The following PDZRN3 variants were observed in gnomAD, a reference collection of about 807,000 sequenced individuals.
PDZRN3 encodes E3 ubiquitin-protein ligase PDZRN3.
PDZRN3 carries 38 observed loss-of-function variants against 85.7 expected under a neutral mutation model. The ratio of observed to expected loss-of-function variants is 0.44; its 90% confidence interval spans 0.34 to 0.58. The LOEUF (loss-of-function observed/expected upper bound fraction) is 0.58. Among genes scored for constraint, PDZRN3 ranks in the 20% least tolerant of loss-of-function variants. The probability of loss-of-function intolerance (pLI) is 0.01; values close to 1 mark genes in which losing one functional copy is unlikely to be tolerated. For synonymous variants in PDZRN3, 759 were observed against 638.0 expected, an observed-to-expected ratio of 1.19 and a Z score of -2.86; for missense variants, 1,629 against 1,506.4, an observed-to-expected ratio of 1.08 and a Z score of -1.35.
chr3:73,394,542 T>A (rs1216962942), intron 5 of PDZRN3, among the ~76,000 whole-genome samples: 5 of 152,072 alleles, frequency 3.3e-5, no homozygotes, highest in Non-Finnish European at 5.9e-5. Context: ...AAAGGATGAG[T>A]GATATTGGAT....
intron 3 of PDZRN3, among the ~76,000 whole-genome samples, chr3:73,416,882 T>G (rs6796989): frequency 6.9e-5 from 9 of 131,306 alleles, no homozygotes; most frequent in East Asian, 4.3e-4. Context: ...TTTGGTTTTT[T>G]TTTTTTTTTT....
intron 4 of PDZRN3, among the ~76,000 whole-genome samples, 173 bp downstream of exon 4, chr3:73,403,975 G>A (rs539125913): frequency 7.9e-5 from 12 of 152,218 alleles, no homozygotes; most frequent in East Asian, 1.9e-4. Context: ...TTAATATGTC[G>A]GAGCGGTTTT....
chr3:73,455,737 A>T (rs902409975), intron 3 of PDZRN3, among the ~76,000 whole-genome samples: 22 of 152,250 alleles, frequency 1.4e-4, no homozygotes, highest in Non-Finnish European at 2.9e-4. Context: ...GCATGGAGCA[A>T]ATAAAAGCAT....
chr3:73,492,839 A>G (rs1015987047), intron 3 of PDZRN3, among the ~76,000 whole-genome samples: 1 of 152,214 alleles, frequency 6.6e-6, no homozygotes, highest in African/African-American at 2.4e-5. Flanking sequence ...CAATTACCTA[A>G]TCTGATCATT....
intron 3 of PDZRN3, among the ~76,000 whole-genome samples, chr3:73,437,499 G>T (rs1001883227): frequency 1.3e-5 from 2 of 152,176 alleles, no homozygotes; most frequent in East Asian, 3.9e-4. Context: ...GGGTGCCCGG[G>T]CCTCACTTTG....
intron 3 of PDZRN3, among the ~76,000 whole-genome samples, chr3:73,429,624 A>G (rs924054039): frequency 6.6e-6 from 1 of 152,204 alleles, no homozygotes; most frequent in Non-Finnish European, 1.5e-5. Flanking sequence ...TTGATGTATA[A>G]AGGGTCACAA....
intron 3 of PDZRN3, among the ~76,000 whole-genome samples, chr3:73,580,679 T>C (rs942745224): frequency 6.6e-6 from 1 of 152,230 alleles, no homozygotes; most frequent in Non-Finnish European, 1.5e-5. Context: ...CTTCTGTGGC[T>C]GGACCTGTTT....
intron 3 of PDZRN3, among the ~76,000 whole-genome samples, chr3:73,428,969 G>T (rs73096409): frequency 0.11 from 16,420 of 151,970 alleles, 1,223 homozygotes; most frequent in African/African-American, 0.22. Context: ...CACCAGCATA[G>T]TTCACTACAG....
chr3:73,398,077 TAA>T (rs1701676113), intron 5 of PDZRN3, among the ~76,000 whole-genome samples: 1 of 152,090 alleles, frequency 6.6e-6, no homozygotes, highest in South Asian at 2.1e-4. Flanking sequence ...AACACGAATA[TAA>T]AGTCTGATGG....
intron 3 of PDZRN3, among the ~76,000 whole-genome samples, chr3:73,411,212 C>T (rs1701960152): frequency 6.6e-6 from 1 of 152,172 alleles, no homozygotes; most frequent in Non-Finnish European, 1.5e-5. Context: ...GGAGTGTTTG[C>T]AAAATAACCA....
intron 3 of PDZRN3, among the ~76,000 whole-genome samples, chr3:73,539,589 G>C (rs1414927679): frequency 1.3e-5 from 2 of 152,058 alleles, no homozygotes; most frequent in African/African-American, 4.8e-5. Context: ...GCCTCCTTGT[G>C]CATGAAAGCC....
At chr3:73,497,637 C>T (rs759219350) in intron 3 of PDZRN3, among the ~76,000 whole-genome samples, 3 of 152,330 alleles carry the variant, frequency 2.0e-5, no homozygotes, top group Middle Eastern at 3.4e-3. Context: ...TGAAACTCTA[C>T]GTACCCATCA....
At chr3:73,451,899 C>G (rs893948623) in intron 3 of PDZRN3, among the ~76,000 whole-genome samples, 3 of 152,034 alleles carry the variant, frequency 2.0e-5, no homozygotes, top group African/African-American at 7.3e-5. Context: ...TTAAAGATGA[C>G]TGTGCTCAGG....
chr3:73,393,284 G>A (rs1431999762), intron 5 of PDZRN3, among the ~76,000 whole-genome samples: 1 of 152,150 alleles, frequency 6.6e-6, no homozygotes, highest in Non-Finnish European at 1.5e-5. Flanking sequence ...ATGGCTGGCC[G>A]CCAAGGTGAC....
chr3:73,535,633 A>T (rs1559726922), intron 3 of PDZRN3, among the ~76,000 whole-genome samples: 1 of 152,254 alleles, frequency 6.6e-6, no homozygotes, highest in Non-Finnish European at 1.5e-5. Flanking sequence ...TTCGCCTGAC[A>T]GTTCACATGG....
At chr3:73,421,395 G>C (rs1487167857) in intron 3 of PDZRN3, among the ~76,000 whole-genome samples, 1 of 152,204 alleles carries the variant, frequency 6.6e-6, no homozygotes, top group Non-Finnish European at 1.5e-5. Context: ...CTGAGGGAGA[G>C]GGAGGTCCTC....
chr3:73,564,733 C>G (rs1309740357), intron 3 of PDZRN3, among the ~76,000 whole-genome samples: 4 of 152,210 alleles, frequency 2.6e-5, no homozygotes, highest in Non-Finnish European at 4.4e-5. Flanking sequence ...AACTCAGGCT[C>G]TGAAATTAGG....
intron 3 of PDZRN3, among the ~76,000 whole-genome samples, chr3:73,590,653 A>G: frequency 6.6e-6 from 1 of 152,226 alleles, no homozygotes; most frequent in Non-Finnish European, 1.5e-5. Flanking sequence ...AAAAGTTTCA[A>G]GCTTTCAATA....
intron 3 of PDZRN3, among the ~76,000 whole-genome samples, chr3:73,497,829 G>C (rs1328850777): frequency 4.0e-5 from 6 of 149,016 alleles, no homozygotes; most frequent in Admixed American, 2.0e-4. Context: ...CAACAGCTCA[G>C]CGCAGTGATG....
Sources: allele counts gnomAD v4.1 joint callset (sites outside exome capture counted in the v4.1 genomes callset), GRCh38; gene constraint gnomAD v4.1.1; transcripts MANE v1.5; gene names NCBI Gene and HGNC (gene_info 2026-07-23, HGNC 2026-07-21).